The following GPR141 variants were observed in gnomAD, a reference collection of about 807,000 sequenced individuals.
GPR141 encodes the protein G protein-coupled receptor 141.
A neutral mutation model predicts 6.8 loss-of-function variants in GPR141; 6 were observed. The observed-to-expected ratio is 0.88, with a 90% CI of 0.48 to 1.74. The LOEUF is 1.74. Among genes scored for constraint, GPR141 ranks in the 40% most tolerant of loss-of-function variants. GPR141 has a pLI of 0.01. For synonymous variants in GPR141, 140 were observed against 142.3 expected (o/e 0.98, Z 0.11); for missense variants, 372 against 372.9 (o/e 1.00, Z 0.02).
At chr7:37,724,416 G>T (rs1281623934) in intron 2 of GPR141, among the ~76,000 whole-genome samples, 1 of 152,086 alleles carries the variant, frequency 6.6e-6, no homozygotes, top group East Asian at 1.9e-4. Context: ...CAAAGCAGGG[G>T]GCAATTTTTA....
Position 37,698,460 on chromosome 7 carries a change from G to A in GPR141, c.-15+12877G>A, listed in dbSNP as rs530172962. On this transcript the variant is annotated intron_variant, in intron 2 of 2. Coordinates refer to ENST00000334425, the MANE Select transcript of GPR141 (RefSeq NM_001381946.1). ...GTGTGTAGGGCTTATGACTCATTGC[G>A]GGGAGGGGAAACACACGCCATGGGG... Among the ~76,000 whole-genome samples, 3 of 152,250 alleles carry A rather than the reference G, an allele frequency of 2.0e-5. No homozygotes were observed. In the South Asian group the frequency reaches 6.2e-4, roughly 32 times the overall value.
intron 2 of GPR141, among the ~76,000 whole-genome samples, chr7:37,703,115 C>T (rs1160570073): frequency 6.6e-6 from 1 of 152,044 alleles, no homozygotes; most frequent in Non-Finnish European, 1.5e-5. Flanking sequence ...CTTTATTTTG[C>T]TCACATTCTT....
At chr7:37,724,153 C>T (rs184662148) in intron 2 of GPR141, among the ~76,000 whole-genome samples, 2 of 152,292 alleles carry the variant, frequency 1.3e-5, no homozygotes. Context: ...TTTAGAGAGT[C>T]AGCAGCAATG....
At chr7:37,696,594 G>A (rs1810027340) in intron 2 of GPR141, among the ~76,000 whole-genome samples, 1 of 151,498 alleles carries the variant, frequency 6.6e-6, no homozygotes, top group Admixed American at 6.6e-5. Context: ...GTGCACATAT[G>A]GAATTGTTCT....
At chr7:37,739,860 G>A (rs1351007564) in intron 2 of GPR141, among the ~76,000 whole-genome samples, 1 of 152,118 alleles carries the variant, frequency 6.6e-6, no homozygotes, top group African/African-American at 2.4e-5. Context: ...CTGCTCTCTT[G>A]ACTTAGATGG....
chr7:37,707,735 A>G (rs1810588745), intron 2 of GPR141, among the ~76,000 whole-genome samples: 2 of 152,228 alleles, frequency 1.3e-5, no homozygotes, highest in African/African-American at 4.8e-5. Context: ...GTCATATACT[A>G]CACTAGAAAC....
rs778362767 is a variant in GPR141, at chr7:37,740,994, G to A, written c.601G>A (p.Val201Ile). Reference sequence around the variant, plus strand: ...TGCTGTGATTCTGTTGGTCTTCCAGGTCTTCATCATTATGTTGATGGTGCA... The same window carrying A: ...TGCTGTGATTCTGTTGGTCTTCCAGATCTTCATCATTATGTTGATGGTGCA... Reference protein sequence around the residue: ...AVAVILLVFQVFIIMLMVQKL... With the variant: ...AVAVILLVFQIFIIMLMVQKL... Residue 201 changes from valine to isoleucine, a missense_variant, in exon 3 of 3, where the codon GTC (valine) becomes ATC (isoleucine). By Grantham distance (29) the Val-to-Ile change is conservative. Transcript: ENST00000334425. 6.2e-6 allele frequency: 10 copies of A among 1,613,860 alleles called. No homozygotes were observed. The highest frequency in any genetic ancestry group is 1.3e-5 in the African/African-American group (1 of 74,906).
intron 2 of GPR141, among the ~76,000 whole-genome samples, chr7:37,709,294 A>G (rs1810681422): frequency 6.6e-6 from 1 of 150,704 alleles, no homozygotes; most frequent in African/African-American, 2.5e-5. Flanking sequence ...CATAGTGTGC[A>G]TACAGGGTTG....
intron 2 of GPR141, among the ~76,000 whole-genome samples, chr7:37,723,208 A>T (rs2709104): frequency 6.6e-6 from 1 of 151,702 alleles, no homozygotes; most frequent in Non-Finnish European, 1.5e-5. Flanking sequence ...GGCCATGCTC[A>T]TCTTGAGCTC....
chr7:37,704,655 G>C (rs1583536510), intron 2 of GPR141, among the ~76,000 whole-genome samples: 2 of 152,130 alleles, frequency 1.3e-5, no homozygotes, highest in African/African-American at 4.8e-5. Flanking sequence ...GTGTGGTCGA[G>C]TCCAATCTGA....
chr7:37,733,690 A>T (rs1482186286), intron 2 of GPR141, among the ~76,000 whole-genome samples: 1 of 148,590 alleles, frequency 6.7e-6, no homozygotes, highest in Non-Finnish European at 1.5e-5. Context: ...AAAAAAAAAG[A>T]AAAAAGAAAA....
At chr7:37,694,910 A>C (rs1323531791) in intron 2 of GPR141, among the ~76,000 whole-genome samples, 2 of 152,124 alleles carry the variant, frequency 1.3e-5, no homozygotes, top group Non-Finnish European at 2.9e-5. Flanking sequence ...CTCTATCCTA[A>C]GGCTAGAGCT....
intron 2 of GPR141, among the ~76,000 whole-genome samples, chr7:37,732,516 A>G (rs528035261): frequency 5.8e-4 from 88 of 152,272 alleles, no homozygotes; most frequent in African/African-American, 2.1e-3. Flanking sequence ...AAGTGTGGAC[A>G]GAGCACCATA....
intron 2 of GPR141, among the ~76,000 whole-genome samples, chr7:37,708,550 G>A (rs191938017): frequency 6.6e-5 from 10 of 152,202 alleles, no homozygotes; most frequent in Admixed American, 3.9e-4. Context: ...CTGTCTGAGA[G>A]CAATAATATC....
chr7:37,739,267 CT>C (rs1399237559), intron 2 of GPR141, among the ~76,000 whole-genome samples: 1 of 152,146 alleles, frequency 6.6e-6, no homozygotes, highest in Non-Finnish European at 1.5e-5. Flanking sequence ...GGAGTGAGTT[CT>C]TTCTCAAATC....
intron 2 of GPR141, among the ~76,000 whole-genome samples, chr7:37,690,312 G>A (rs187984861): frequency 3.6e-4 from 55 of 152,238 alleles, no homozygotes; most frequent in Non-Finnish European, 7.1e-4. Context: ...GTGAGACCTG[G>A]TGGGAGGTGT....
intron 2 of GPR141, among the ~76,000 whole-genome samples, chr7:37,715,103 T>A (rs944651713): frequency 1.3e-5 from 2 of 152,178 alleles, no homozygotes; most frequent in Non-Finnish European, 2.9e-5. Context: ...TTTTAAAGTT[T>A]TTTATTTATT....
intron 2 of GPR141, among the ~76,000 whole-genome samples, chr7:37,701,709 G>A (rs985182489): frequency 1.3e-5 from 2 of 152,130 alleles, no homozygotes; most frequent in Admixed American, 6.5e-5. Context: ...TCATTCAGTG[G>A]AATTGTACTT....
intron 2 of GPR141, among the ~76,000 whole-genome samples, chr7:37,734,089 C>T (rs893220295): frequency 6.6e-6 from 1 of 152,100 alleles, no homozygotes; most frequent in Admixed American, 6.5e-5. Context: ...GGGAGGATCA[C>T]TTGAGCACAG....
Sources: allele counts gnomAD v4.1 joint callset (sites outside exome capture counted in the v4.1 genomes callset), GRCh38; gene constraint gnomAD v4.1.1; transcripts MANE v1.5; gene names NCBI Gene and HGNC (gene_info 2026-07-23, HGNC 2026-07-21).